Variants in SNTG1 observed in about 807,000 individuals in gnomAD.
The protein encoded by SNTG1 is gamma-1-syntrophin.
SNTG1 carries 39 observed loss-of-function variants against 74.7 expected under a neutral mutation model. The observed-to-expected ratio is 0.52, with a 90% CI of 0.40 to 0.68. SNTG1 has a LOEUF of 0.68. SNTG1 is among the 30% of genes least tolerant of loss of function. The probability of loss-of-function intolerance (pLI) is 0.00; values close to 1 mark genes in which losing one functional copy is unlikely to be tolerated. For synonymous variants in SNTG1, 254 were observed against 217.1 expected (o/e 1.17, Z -1.49); for missense variants, 685 against 609.5 (o/e 1.12, Z -1.30).
chr8:50,518,703 A>G (rs985207556), intron 9 of SNTG1, among the ~76,000 whole-genome samples: 1 of 152,244 alleles, frequency 6.6e-6, no homozygotes, highest in Admixed American at 6.5e-5. Flanking sequence ...TAGAAAATCT[A>G]GAAGAAATGG....
At chr8:50,009,564 T>C (rs1815571212) in intron 1 of SNTG1, among the ~76,000 whole-genome samples, 1 of 152,208 alleles carries the variant, frequency 6.6e-6, no homozygotes. Flanking sequence ...GTTCTTGTCA[T>C]AGCCATTGTT....
chr8:50,246,856 T>A (rs1460156530), intron 2 of SNTG1, among the ~76,000 whole-genome samples: 1 of 152,170 alleles, frequency 6.6e-6, no homozygotes, highest in African/African-American at 2.4e-5. Flanking sequence ...TACTTCAACC[T>A]CTTTTTAGCC....
At chr8:50,065,524 C>G (rs931976589) in intron 1 of SNTG1, among the ~76,000 whole-genome samples, 1 of 152,060 alleles carries the variant, frequency 6.6e-6, no homozygotes, top group Admixed American at 6.5e-5. Context: ...TACATACTAC[C>G]CTTAAGAAAA....
chr8:50,792,758 T>A lies in SNTG1; in HGVS notation c.1483T>A (p.Leu495Ile), dbSNP rs765401553. 2.5e-6 allele frequency: 4 copies of A among 1,612,684 alleles called. No individual in the cohort carries two copies. In the Admixed American group the frequency reaches 6.7e-5, roughly 27 times the overall value. ...AKVACLDPLF[L>I]GNQATASTAA... ...GGTAGCTTGTTTGGACCCTCTATTT[T>A]TAGGCAATCAAGCTACTGCTTCTAC... Residue 495 changes from leucine (L) to isoleucine (I), a missense_variant, in exon 19 of 19, where the codon TTA (leucine) becomes ATA (isoleucine). Coordinates refer to ENST00000642720, the MANE Select transcript of SNTG1 (RefSeq NM_018967.5).
intron 12 of SNTG1, among the ~76,000 whole-genome samples, chr8:50,565,642 G>A (rs770462910): frequency 4.7e-4 from 71 of 151,980 alleles, no homozygotes; most frequent in Non-Finnish European, 7.8e-4. Flanking sequence ...CAAGTTGTTA[G>A]GGAGCAGGAC....
chr8:50,213,526 A>C (rs1171126437), intron 2 of SNTG1, among the ~76,000 whole-genome samples: 1 of 152,168 alleles, frequency 6.6e-6, no homozygotes, highest in East Asian at 1.9e-4. Context: ...TTTATTTTCA[A>C]TCACAGCATT....
At chr8:50,747,054 G>A (rs2095556728) in intron 17 of SNTG1, among the ~76,000 whole-genome samples, 3 of 151,292 alleles carry the variant, frequency 2.0e-5, no homozygotes, top group Middle Eastern at 3.5e-3. Context: ...GGATGATGAG[G>A]TATAGTCAAA....
At chr8:50,029,595 A>T (rs1182481527) in intron 1 of SNTG1, among the ~76,000 whole-genome samples, 1 of 152,160 alleles carries the variant, frequency 6.6e-6, no homozygotes, top group African/African-American at 2.4e-5. Flanking sequence ...ATGAGTGAGA[A>T]CATGTGAAAC....
At chr8:50,188,801 G>T (rs559463044) in intron 2 of SNTG1, among the ~76,000 whole-genome samples, 5 of 152,026 alleles carry the variant, frequency 3.3e-5, no homozygotes, top group African/African-American at 1.2e-4. Flanking sequence ...CAGAGTAGAC[G>T]TTCACTGAGG....
chr8:50,118,009 C>A (rs1050017215), intron 1 of SNTG1, among the ~76,000 whole-genome samples: 4 of 152,112 alleles, frequency 2.6e-5, no homozygotes, highest in African/African-American at 7.2e-5. Context: ...GAAGACTGAG[C>A]ACCCTCCTGT....
intron 1 of SNTG1, among the ~76,000 whole-genome samples, chr8:50,020,889 A>G (rs1251020716): frequency 6.6e-6 from 1 of 152,168 alleles, no homozygotes; most frequent in Non-Finnish European, 1.5e-5. Context: ...GAAAATGAAA[A>G]ACTCCATTAT....
At chr8:50,734,744 TGTATATAGATATCTATATATATGGAC>T (rs2095521801) in intron 17 of SNTG1, among the ~76,000 whole-genome samples, 7 of 83,814 alleles carry the variant, frequency 8.4e-5, no homozygotes, top group Admixed American at 2.2e-4. Flanking sequence ...TATATGGACA[TGTATATAGATATCTATATATATGGAC>T]ATATATATAG....
intron 2 of SNTG1, among the ~76,000 whole-genome samples, chr8:50,225,668 A>G (rs1323040333): frequency 6.6e-6 from 1 of 152,218 alleles, no homozygotes; most frequent in Non-Finnish European, 1.5e-5. Flanking sequence ...TCTTTTGCCA[A>G]CGCCATTAAT....
At chr8:50,448,654 T>A (rs533890999) in intron 5 of SNTG1, among the ~76,000 whole-genome samples, 1 of 152,314 alleles carries the variant, frequency 6.6e-6, no homozygotes, top group Non-Finnish European at 1.5e-5. Context: ...TCTTTTTCCG[T>A]TTTTAAGGAT....
chr8:50,587,318 CGT>C (rs1401744623), intron 12 of SNTG1, among the ~76,000 whole-genome samples: 3 of 151,450 alleles, frequency 2.0e-5, no homozygotes, highest in Non-Finnish European at 4.4e-5. Flanking sequence ...TTGTAAGCAT[CGT>C]ATCTTATCAA....
intron 15 of SNTG1, among the ~76,000 whole-genome samples, chr8:50,701,526 A>T (rs1390981083): frequency 6.6e-6 from 1 of 150,952 alleles, no homozygotes; most frequent in Non-Finnish European, 1.5e-5. Flanking sequence ...TTTAAAATTT[A>T]CTTCCTAGAG....
chr8:50,767,322 G>A (rs537971059), intron 18 of SNTG1, among the ~76,000 whole-genome samples: 19 of 151,970 alleles, frequency 1.3e-4, no homozygotes, highest in South Asian at 4.1e-4. Flanking sequence ...GTGAGAAAGC[G>A]TCAGAAATAC....
At chr8:50,161,815 T>C (rs2082427115) in intron 1 of SNTG1, among the ~76,000 whole-genome samples, 1 of 151,908 alleles carries the variant, frequency 6.6e-6, no homozygotes, top group Non-Finnish European at 1.5e-5. Context: ...ATAGCAGCAA[T>C]ATTTAAGGGG....
intron 2 of SNTG1, among the ~76,000 whole-genome samples, chr8:50,275,464 AT>A (rs1412181770): frequency 1.3e-5 from 2 of 152,122 alleles, no homozygotes; most frequent in African/African-American, 4.8e-5. Context: ...TTTAAAAAAT[AT>A]TTTTGTGTTT....
Sources: gnomAD v4.1 joint callset for allele counts (sites outside exome capture counted in the v4.1 genomes callset) on GRCh38, gnomAD v4.1.1 for gene constraint, MANE v1.5 for transcripts, NCBI Gene and HGNC (gene_info 2026-07-23, HGNC 2026-07-21) for gene names.